The following LPP variants were observed in gnomAD, a reference collection of about 807,000 sequenced individuals.
LPP encodes the protein lipoma-preferred partner.
A neutral mutation model predicts 60.4 loss-of-function variants in LPP; 38 were observed. The observed-to-expected ratio is 0.63, with a 90% CI of 0.49 to 0.83. The LOEUF (loss-of-function observed/expected upper bound fraction) is 0.83, where lower values mean the gene tolerates loss of function less well. Ranked by LOEUF, LPP falls within the 40% of genes least tolerant of loss-of-function variation. LPP has a pLI of 0.00. For synonymous variants in LPP, 328 were observed against 290.8 expected (o/e 1.13, Z -1.30); for missense variants, 902 against 783.6 (o/e 1.15, Z -1.80).
At chr3:188,765,926 A>C (rs9814500) in intron 9 of LPP, among the ~76,000 whole-genome samples, 84,060 of 139,582 alleles carry the variant, frequency 0.6, 25,183 homozygotes, top group East Asian at 0.96. Flanking sequence ...GCTGGAGTGC[A>C]GTGGTATGAT....
intron 2 of LPP, among the ~76,000 whole-genome samples, chr3:188,303,682 T>C (rs1750647760): frequency 6.6e-6 from 1 of 152,130 alleles, no homozygotes. Flanking sequence ...AGGGCACTTG[T>C]GGTGAATAAT....
chr3:188,439,181 A>C (rs763575482), intron 4 of LPP, among the ~76,000 whole-genome samples: 4 of 152,136 alleles, frequency 2.6e-5, no homozygotes, highest in Non-Finnish European at 4.4e-5. Context: ...CACCTTTTCT[A>C]TTTTGGTTGT....
At chr3:188,239,834 T>C in intron 2 of LPP, 1 of 214,392 alleles carries the variant, frequency 4.7e-6, no homozygotes, top group Non-Finnish European at 9.4e-6. Flanking sequence ...GCAGGTCCTA[T>C]GTAAACACCA....
At position 188,881,691 on chromosome 3, in the gene LPP, T is replaced by C. The variant is rs1367403187; in HGVS notation, c.*7212T>C. The C allele has an allele frequency of 4.4e-6, 1 of 226,096 alleles. No homozygotes were observed. Among genetic ancestry groups the C allele is most frequent in the Non-Finnish European group, 8.8e-6 (1 of 113,530 alleles). The allele number at this position is 226,096 out of a possible 1,614,324, so 14.0% of individuals were successfully genotyped here. On this transcript the variant is annotated 3_prime_UTR_variant, in exon 12 of 12. Coordinates refer to ENST00000617246, the MANE Select transcript of LPP (RefSeq NM_001375462.1). ...TGAAAACAGGAAGCAAGCTAATGCA[T>C]ATGCCATCCATGAGATTCCCACTTC...
intron 6 of LPP, among the ~76,000 whole-genome samples, chr3:188,589,941 GCT>G (rs1272671964): frequency 1.3e-5 from 2 of 152,090 alleles, no homozygotes; most frequent in Non-Finnish European, 2.9e-5. Flanking sequence ...TTCCCCTTTT[GCT>G]CTGTTTTTGT....
At chr3:188,274,474 G>C (rs1738960732) in intron 2 of LPP, among the ~76,000 whole-genome samples, 1 of 152,176 alleles carries the variant, frequency 6.6e-6, no homozygotes. Flanking sequence ...TCTGGCAAAT[G>C]AGAGTGGGAT....
At chr3:188,370,449 TA>T (rs145341490) in intron 3 of LPP, among the ~76,000 whole-genome samples, 3,889 of 152,292 alleles carry the variant, frequency 0.026, 54 homozygotes, top group South Asian at 0.048. Flanking sequence ...CATCCTCATC[TA>T]ATCAACATGA....
intron 3 of LPP, among the ~76,000 whole-genome samples, chr3:188,372,288 GAT>G (rs1773510985): frequency 6.6e-6 from 1 of 151,932 alleles, no homozygotes; most frequent in Admixed American, 6.6e-5. Flanking sequence ...ATTAATATAA[GAT>G]AAATTTATGG....
chr3:188,694,479 G>A (rs1299409924), intron 7 of LPP, among the ~76,000 whole-genome samples: 1 of 151,882 alleles, frequency 6.6e-6, no homozygotes, highest in Non-Finnish European at 1.5e-5. Flanking sequence ...GAGGCAGGTG[G>A]ATCACCTGAG....
chr3:188,268,123 C>T (rs183586575), intron 2 of LPP, among the ~76,000 whole-genome samples: 189 of 148,880 alleles, frequency 1.3e-3, no homozygotes, highest in African/African-American at 4.4e-3. Flanking sequence ...CCTACCTGCA[C>T]GTGACACTCT....
chr3:188,209,672 G>A (rs1734191053), intron 1 of LPP, among the ~76,000 whole-genome samples: 1 of 152,202 alleles, frequency 6.6e-6, no homozygotes. Flanking sequence ...AATGGGATCT[G>A]CATCCCTGAG....
chr3:188,175,071 T>C (rs1722688532), intron 1 of LPP, among the ~76,000 whole-genome samples: 1 of 152,104 alleles, frequency 6.6e-6, no homozygotes, highest in African/African-American at 2.4e-5. Flanking sequence ...TTTAGTTTCT[T>C]TAGAGTAGAA....
chr3:188,531,445 C>T (rs1031109940), intron 6 of LPP, among the ~76,000 whole-genome samples: 4 of 151,958 alleles, frequency 2.6e-5, no homozygotes, highest in South Asian at 2.1e-4. Flanking sequence ...TCTTGGTGGG[C>T]TCCTGGATTT....
At position 188,185,550 on chromosome 3, in the gene LPP, A is replaced by G. The variant is rs1309846282; in HGVS notation, c.-190+31298A>G. ...GAGTGGATAATTCTCTTTTCCCTCT[A>G]TATACCCCACAGTTTATTGCGTGGA... On this transcript the variant is annotated intron_variant, in intron 1 of 11. Transcript: ENST00000617246. Among the ~76,000 whole-genome samples, 7 of 151,632 alleles carry G rather than the reference A, an allele frequency of 4.6e-5. No homozygotes were observed. The South Asian group carries it at 6.2e-4, about 14-fold the overall frequency.
At chr3:188,436,364 A>G (rs891756529) in intron 4 of LPP, among the ~76,000 whole-genome samples, 5 of 152,226 alleles carry the variant, frequency 3.3e-5, no homozygotes, top group Non-Finnish European at 7.3e-5. Flanking sequence ...AAACGGAGCC[A>G]CTAGTGCTTA....
chr3:188,763,831 C>T (rs892742944), intron 9 of LPP, among the ~76,000 whole-genome samples: 4 of 151,910 alleles, frequency 2.6e-5, no homozygotes, highest in African/African-American at 9.7e-5. Flanking sequence ...TTTTGAATTA[C>T]ATCCTTAGCA....
chr3:188,450,900 C>T (rs1796439464), intron 4 of LPP, among the ~76,000 whole-genome samples: 1 of 152,158 alleles, frequency 6.6e-6, no homozygotes, highest in Non-Finnish European at 1.5e-5. Flanking sequence ...ACCTCCAACT[C>T]TTGGCTGCCA....
intron 3 of LPP, among the ~76,000 whole-genome samples, chr3:188,375,729 A>G (rs1178248325): frequency 6.6e-6 from 1 of 151,604 alleles, no homozygotes; most frequent in African/African-American, 2.4e-5. Context: ...GATCTTAGTT[A>G]TTTCTTGCCT....
chr3:188,163,144 T>A (rs2148715547), intron 1 of LPP, among the ~76,000 whole-genome samples: 1 of 152,310 alleles, frequency 6.6e-6, no homozygotes, highest in East Asian at 1.9e-4. Context: ...TTTGTATCTG[T>A]TACCCGTGGA....
Sources: allele counts gnomAD v4.1 joint callset (sites outside exome capture counted in the v4.1 genomes callset), GRCh38; gene constraint gnomAD v4.1.1; transcripts MANE v1.5; gene names NCBI Gene and HGNC (gene_info 2026-07-23, HGNC 2026-07-21).